The following RTTN variants were observed in gnomAD, a reference collection of about 807,000 sequenced individuals.
RTTN encodes rotatin.
A neutral mutation model predicts 269.2 loss-of-function variants in RTTN; 182 were observed. The observed-to-expected ratio is 0.68, with a 90% CI of 0.60 to 0.76. The LOEUF is 0.76. RTTN is among the 30% of genes least tolerant of loss of function. The pLI is 0.00. For synonymous variants in RTTN, 1,006 were observed against 963.5 expected, an observed-to-expected ratio of 1.04 and a Z score of -0.82; for missense variants, 2,545 against 2,608.6, an observed-to-expected ratio of 0.98 and a Z score of 0.53.
chr18:70,062,816 G>A (rs1000844189), intron 35 of RTTN, among the ~76,000 whole-genome samples: 6 of 151,990 alleles, frequency 3.9e-5, no homozygotes, highest in East Asian at 1.9e-4. Context: ...TCTCACTATC[G>A]TGAAAAGTAT....
chr18:70,102,546 T>C (rs1457709625), intron 28 of RTTN, among the ~76,000 whole-genome samples: 1 of 152,234 alleles, frequency 6.6e-6, no homozygotes, highest in Non-Finnish European at 1.5e-5. Flanking sequence ...CTGTATCTTT[T>C]AATTGGAGCA....
In RTTN at chr18:70,092,782, T is replaced by G. The variant is rs760496546; in HGVS notation, c.3926A>C (p.Glu1309Ala). The G allele has an allele frequency of 2.5e-6, 4 of 1,609,586 alleles. No homozygotes were observed. In the Admixed American group the frequency reaches 5.0e-5, roughly 20 times the overall value. Residue 1309 changes from glutamate (E) to alanine (A), a missense_variant, in exon 29 of 49, where the codon GAG becomes GCG. Transcript: ENST00000640769. ...GAAGGACATAGCATTTCCTCCACGC[T>G]CCACATAAAAAGAAGTAATGACCTG... Reference protein sequence around the residue: ...LLEVITSFYVERGGNAMSFMG... With the variant: ...LLEVITSFYVARGGNAMSFMG...
intron 8 of RTTN, among the ~76,000 whole-genome samples, chr18:70,191,877 C>T (rs2061680053): frequency 6.6e-6 from 1 of 152,176 alleles, no homozygotes; most frequent in East Asian, 1.9e-4. Context: ...GCTGTTCACT[C>T]AGGAGTGAAA....
At chr18:70,144,048 A>G (rs2060327112) in intron 18 of RTTN, among the ~76,000 whole-genome samples, 1 of 151,970 alleles carries the variant, frequency 6.6e-6, no homozygotes, top group Non-Finnish European at 1.5e-5. Context: ...TTTAGTAGAG[A>G]CAGGGTTTCA....
At chr18:70,137,194 GAAAC>G (rs2060144909) in intron 21 of RTTN, among the ~76,000 whole-genome samples, 1 of 152,110 alleles carries the variant, frequency 6.6e-6, no homozygotes, top group Admixed American at 6.5e-5. Flanking sequence ...ATTTAAAACA[GAAAC>G]AAACAAAGGT....
intron 40 of RTTN, among the ~76,000 whole-genome samples, chr18:70,045,513 T>G (rs575958656): frequency 6.6e-6 from 1 of 152,238 alleles, no homozygotes; most frequent in Non-Finnish European, 1.5e-5. Context: ...CATGGACATA[T>G]AGTAAGCTAC....
intron 30 of RTTN, among the ~76,000 whole-genome samples, chr18:70,091,299 T>C (rs1233100956): frequency 6.6e-6 from 1 of 152,128 alleles, no homozygotes; most frequent in East Asian, 1.9e-4. Flanking sequence ...CCAAAACTCA[T>C]ATGTTGAAGT....
chr18:70,179,729 C>T (rs1454375976), intron 10 of RTTN, among the ~76,000 whole-genome samples: 1 of 152,216 alleles, frequency 6.6e-6, no homozygotes, highest in Non-Finnish European at 1.5e-5. Context: ...ACAACTTACA[C>T]ACTACCTCTG....
intron 26 of RTTN, among the ~76,000 whole-genome samples, chr18:70,117,507 G>A (rs1177600887): frequency 6.6e-6 from 1 of 151,932 alleles, no homozygotes; most frequent in African/African-American, 2.4e-5. Context: ...CACTTGTGGT[G>A]ATAATATATG....
At chr18:70,024,587 G>T in intron 44 of RTTN, 135 bp downstream of exon 44, 2 of 746,324 alleles carry the variant, frequency 2.7e-6, no homozygotes, top group Non-Finnish European at 4.3e-6. Flanking sequence ...GAGAAAGCTT[G>T]CCTTTGCCCA....
intron 28 of RTTN, among the ~76,000 whole-genome samples, chr18:70,099,743 G>C (rs902948707): frequency 2.6e-4 from 40 of 152,274 alleles, no homozygotes; most frequent in Middle Eastern, 3.4e-3. Context: ...AATCCATCTT[G>C]AATTAATTTT....
Position 70,006,432 on chromosome 18 carries a change from A to G in RTTN, c.6474T>C (p.Ala2158=). ...AAAGGGCAGCTGCTCCAATCCTCTGAGCATTTTGATTCTCACTTTCCAGAC... is the reference window on the plus strand; with the variant it reads ...AAAGGGCAGCTGCTCCAATCCTCTGGGCATTTTGATTCTCACTTTCCAGAC... ...AACLESENQN[A]QRIGAAALWA... is the part of the protein sequence containing the mutation. Residue 2158 remains alanine, a synonymous_variant, in exon 47 of 49, where the codon GCT becomes GCC. Coordinates refer to ENST00000640769, the MANE Select transcript of RTTN (RefSeq NM_173630.4). 1 of 1,614,142 alleles carries G rather than the reference A, an allele frequency of 6.2e-7. No homozygotes were observed. The highest frequency in any genetic ancestry group is 8.5e-7 in the Non-Finnish European group (1 of 1,179,970).
intron 10 of RTTN, among the ~76,000 whole-genome samples, chr18:70,178,967 T>C (rs1020209890): frequency 3.3e-5 from 5 of 152,252 alleles, no homozygotes; most frequent in African/African-American, 7.2e-5. Context: ...TTAAAATTAA[T>C]AGACATAAAC....
chr18:70,168,060 A>G (rs61584683), intron 12 of RTTN, among the ~76,000 whole-genome samples: 1 of 150,690 alleles, frequency 6.6e-6, no homozygotes, highest in Non-Finnish European at 1.5e-5. Context: ...AGGCAGATGG[A>G]TTGCTGGAGC....
chr18:70,026,350 T>C lies in RTTN; in HGVS notation c.5824-1502A>G, dbSNP rs190846356. Among the ~76,000 whole-genome samples, 234 of 152,284 alleles carry C rather than the reference T, an allele frequency of 1.5e-3. 1 individual carries two copies. The highest frequency in any genetic ancestry group is 4.4e-3 in the South Asian group (21 of 4,826). ...AGGCCTGGTGGGAGGTGTTTATATC[T>C]TGGGGGCGGATTCCTCATGGCTTGG... On this transcript the variant is annotated intron_variant, in intron 43 of 48. Transcript: ENST00000640769.
intron 28 of RTTN, among the ~76,000 whole-genome samples, chr18:70,101,299 T>C (rs1188133295): frequency 6.6e-6 from 1 of 152,228 alleles, no homozygotes; most frequent in Non-Finnish European, 1.5e-5. Flanking sequence ...CCTGGTTTAG[T>C]CTTCGGAGGG....
chr18:70,071,925 G>A (rs577221730), intron 34 of RTTN, among the ~76,000 whole-genome samples: 19 of 152,098 alleles, frequency 1.2e-4, no homozygotes, highest in Non-Finnish European at 2.2e-4. Context: ...ACAAAACAAA[G>A]ATATAAATAA....
At chr18:70,094,424 C>A (rs1313368867) in intron 28 of RTTN, among the ~76,000 whole-genome samples, 1 of 152,028 alleles carries the variant, frequency 6.6e-6, no homozygotes, top group South Asian at 2.1e-4. Flanking sequence ...CCCCCTTCCT[C>A]CTGTGGGCAT....
At chr18:70,192,708 C>T (rs1473234272) in intron 8 of RTTN, among the ~76,000 whole-genome samples, 3 of 147,686 alleles carry the variant, frequency 2.0e-5, no homozygotes, top group Non-Finnish European at 4.5e-5. Flanking sequence ...TCTGTATTTA[C>T]ACAAACAAAT....
Sources: allele counts gnomAD v4.1 joint callset (sites outside exome capture counted in the v4.1 genomes callset), GRCh38; gene constraint gnomAD v4.1.1; transcripts MANE v1.5; gene names NCBI Gene and HGNC (gene_info 2026-07-23, HGNC 2026-07-21).